ARFGEF3: variants seen among roughly 807,000 people sequenced by gnomAD.
ARFGEF3 encodes the protein ARFGEF family member 3.
ARFGEF3 carries 96 observed loss-of-function variants against 221.7 expected under a neutral mutation model. The ratio of observed to expected loss-of-function variants is 0.43; its 90% confidence interval spans 0.37 to 0.51. The LOEUF is 0.51. Ranked by LOEUF, ARFGEF3 falls within the 20% of genes least tolerant of loss-of-function variation. The pLI, the probability that ARFGEF3 is intolerant of heterozygous loss-of-function variation, is 0.00. For synonymous variants in ARFGEF3, 1,145 were observed against 1,126.8 expected (o/e 1.02, Z -0.32); for missense variants, 2,410 against 2,789.9 (o/e 0.86, Z 3.07).
intron 8 of ARFGEF3, among the ~76,000 whole-genome samples, chr6:138,249,199 TACAA>T (rs893268509): frequency 3.3e-5 from 5 of 152,354 alleles, no homozygotes; most frequent in African/African-American, 1.2e-4. Context: ...AAATGCATTG[TACAA>T]ACAAACACTG....
chr6:138,260,633 A>G (rs1483385411), intron 10 of ARFGEF3, among the ~76,000 whole-genome samples: 4 of 152,204 alleles, frequency 2.6e-5, no homozygotes, highest in African/African-American at 9.6e-5. Flanking sequence ...AATAGAATAA[A>G]TTCAAAAAAA....
At chr6:138,325,199 C>T (rs1476778239) in intron 31 of ARFGEF3, among the ~76,000 whole-genome samples, 2 of 152,170 alleles carry the variant, frequency 1.3e-5, no homozygotes. Flanking sequence ...GGAGGTTATA[C>T]TCAAAAGGGA....
chr6:138,310,830 A>T (rs1285093698), intron 24 of ARFGEF3, among the ~76,000 whole-genome samples: 1 of 152,254 alleles, frequency 6.6e-6, no homozygotes, highest in Non-Finnish European at 1.5e-5. Context: ...AATCATTTAA[A>T]TGCAATTAAG....
chr6:138,262,619 C>T, intron 11 of ARFGEF3, 82 bp from the exon 12 acceptor site: 1 of 1,387,162 alleles, frequency 7.2e-7, no homozygotes, highest in Non-Finnish European at 9.8e-7. Context: ...TGCTGTTTGC[C>T]AGGCTAACAC....
chr6:138,203,876 C>T (rs184030130), intron 2 of ARFGEF3, among the ~76,000 whole-genome samples: 176 of 151,776 alleles, frequency 1.2e-3, no homozygotes, highest in Non-Finnish European at 1.8e-3. Context: ...TGCTTGACTT[C>T]GTGATCCGCC....
intron 4 of ARFGEF3, among the ~76,000 whole-genome samples, chr6:138,225,775 C>T (rs1254441136): frequency 1.3e-5 from 2 of 152,160 alleles, no homozygotes; most frequent in Non-Finnish European, 2.9e-5. Flanking sequence ...TGTGGATTAT[C>T]TGATATTTCT....
At chr6:138,290,760 G>A (rs1235112539) in intron 18 of ARFGEF3, among the ~76,000 whole-genome samples, 2 of 152,192 alleles carry the variant, frequency 1.3e-5, no homozygotes, top group Non-Finnish European at 2.9e-5. Context: ...TCTAGGCAGA[G>A]CAGGCATGGG....
intron 6 of ARFGEF3, among the ~76,000 whole-genome samples, chr6:138,241,083 G>C (rs1212885266): frequency 2.0e-5 from 3 of 152,172 alleles, no homozygotes; most frequent in Non-Finnish European, 4.4e-5. Context: ...CACCTCAGAA[G>C]GGTAAAAGGC....
chr6:138,270,794 A>C (rs1220291562), intron 12 of ARFGEF3, among the ~76,000 whole-genome samples: 1 of 152,170 alleles, frequency 6.6e-6, no homozygotes, highest in East Asian at 1.9e-4. Context: ...ATTGAGTGTT[A>C]CTGTAGGAGC....
At chr6:138,236,694 C>T (rs1267694220) in intron 5 of ARFGEF3, among the ~76,000 whole-genome samples, 3 of 152,198 alleles carry the variant, frequency 2.0e-5, no homozygotes. Context: ...ATCTCAAACT[C>T]TTGGGCTCAA....
At chr6:138,305,612 C>CAAAA (rs565498235) in intron 22 of ARFGEF3, among the ~76,000 whole-genome samples, 1 of 63,052 alleles carries the variant, frequency 1.6e-5, no homozygotes, top group Admixed American at 1.7e-4. Context: ...GACCCTGTCT[C>CAAAA]AAAAAAAAAA....
At chr6:138,213,057 G>C (rs1777761583) in intron 4 of ARFGEF3, among the ~76,000 whole-genome samples, 1 of 152,022 alleles carries the variant, frequency 6.6e-6, no homozygotes, top group South Asian at 2.1e-4. Flanking sequence ...GGGAGGTCGA[G>C]GTGGGGGGCT....
chr6:138,299,379 T>A (rs933756101), intron 22 of ARFGEF3, among the ~76,000 whole-genome samples: 1 of 151,826 alleles, frequency 6.6e-6, no homozygotes. Context: ...ACCTAGGCAA[T>A]CTGCTGGCCT....
intron 12 of ARFGEF3, among the ~76,000 whole-genome samples, chr6:138,268,869 G>A (rs1223373359): frequency 6.6e-6 from 1 of 152,206 alleles, no homozygotes; most frequent in Non-Finnish European, 1.5e-5. Context: ...AAAAGATAGT[G>A]TAGCAAGTAT....
rs1186577701 is a variant in ARFGEF3, at chr6:138,334,054, T to C, written c.5208T>C (p.Phe1736=). The stretch of plus-strand genomic sequence containing the variant: ...TATATGACATCTTGTTAGAAGAGTT[T>C]GTCAAAGGCCCCTCTCCTGGAGAGG... The part of the protein sequence containing the change: ...QNLYDILLEE[F]VKGPSPGEEK... Residue 1736 remains phenylalanine, a synonymous_variant, in exon 33 of 34, where the codon TTT becomes TTC. Transcript: ENST00000251691. This position sits in a 1 kb window ranked among gnomAD's most constrained non-coding sequence, Gnocchi z 5.1. 9 of 1,613,820 alleles carry C rather than the reference T, an allele frequency of 5.6e-6. No homozygotes were observed. In the Admixed American group the frequency reaches 1.5e-4, roughly 27 times the overall value.
At chr6:138,332,454 G>C (rs1184067222) in intron 32 of ARFGEF3, among the ~76,000 whole-genome samples, 4 of 152,084 alleles carry the variant, frequency 2.6e-5, no homozygotes, top group Non-Finnish European at 1.5e-5. Flanking sequence ...AGCTATCAGG[G>C]GGACAGACTT....
intron 25 of ARFGEF3, among the ~76,000 whole-genome samples, chr6:138,312,109 T>C (rs1779840747): frequency 6.6e-6 from 1 of 152,044 alleles, no homozygotes; most frequent in African/African-American, 2.4e-5. Flanking sequence ...TGAACTGAGA[T>C]CATGCCATTG....
At chr6:138,298,297 G>C (rs1021767356) in intron 21 of ARFGEF3, among the ~76,000 whole-genome samples, 1 of 152,170 alleles carries the variant, frequency 6.6e-6, no homozygotes, top group Non-Finnish European at 1.5e-5. Context: ...CTGGGTTCTG[G>C]TGTCTTTACA....
chr6:138,209,830 AT>A (rs1449611703), intron 3 of ARFGEF3, 79 bp from the exon 4 acceptor site: 3 of 1,533,806 alleles, frequency 2.0e-6, no homozygotes, highest in African/African-American at 2.7e-5. Flanking sequence ...AAAACTGATC[AT>A]CAATCCATAA....
Sources: gnomAD v4.1 joint callset for allele counts (sites outside exome capture counted in the v4.1 genomes callset) on GRCh38, gnomAD v4.1.1 for gene constraint, Gnocchi (gnomAD v3.1) non-coding constraint, MANE v1.5 for transcripts, NCBI Gene and HGNC (gene_info 2026-07-23, HGNC 2026-07-21) for gene names.